Variants in SCNN1B observed in about 807,000 individuals in gnomAD.
SCNN1B encodes the protein sodium channel epithelial 1 subunit beta.
SCNN1B carries 46 observed loss-of-function variants against 65.3 expected under a neutral mutation model. The observed-to-expected ratio is 0.70, with a 90% CI of 0.56 to 0.90. SCNN1B has a LOEUF of 0.90. SCNN1B is among the 40% of genes least tolerant of loss of function. The pLI, the probability that SCNN1B is intolerant of heterozygous loss-of-function variation, is 0.00. For synonymous variants in SCNN1B, 349 were observed against 330.6 expected, an observed-to-expected ratio of 1.06 and a Z score of -0.60; for missense variants, 751 against 830.5, an observed-to-expected ratio of 0.90 and a Z score of 1.18.
At chr16:23,331,511 A>G (rs1200238182) in intron 1 of SCNN1B, among the ~76,000 whole-genome samples, 2 of 151,738 alleles carry the variant, frequency 1.3e-5, no homozygotes, top group East Asian at 3.9e-4. Flanking sequence ...TTTTTTTAGT[A>G]GATCCGCCAT....
At chr16:23,344,386 A>G (rs1962141903) in intron 1 of SCNN1B, among the ~76,000 whole-genome samples, 1 of 152,226 alleles carries the variant, frequency 6.6e-6, no homozygotes, top group South Asian at 2.1e-4. Context: ...AAAAGGGTAG[A>G]CATTCTAGAG....
At position 23,381,154 on chromosome 16, in the gene SCNN1B, G is replaced by A. The variant is rs898744673; in HGVS notation, c.*353G>A. On this transcript the variant is annotated 3_prime_UTR_variant, in exon 13 of 13. Transcript: ENST00000343070. ...CATCCACCCCAGAGAGGAACAGGCG[G>A]GTGGGCCATGTGGTTTTCTCCTTCC... 2.8e-6 allele frequency: 1 copy of A among 352,558 alleles called. No individual in the cohort carries two copies. Among genetic ancestry groups the A allele is most frequent in the Non-Finnish European group, 5.4e-6 (1 of 186,868 alleles). The allele number at this position is 352,558 out of a possible 1,614,324, so 21.8% of individuals were successfully genotyped here.
chr16:23,278,973 T>G (rs1049217897), intron 1 of SCNN1B, among the ~76,000 whole-genome samples: 1 of 151,670 alleles, frequency 6.6e-6, no homozygotes, highest in Non-Finnish European at 1.5e-5. Context: ...AATGGCTAAT[T>G]TTATGTTCTG....
At chr16:23,364,943 T>C (rs1033605979) in intron 4 of SCNN1B, among the ~76,000 whole-genome samples, 6 of 152,064 alleles carry the variant, frequency 3.9e-5, no homozygotes, top group African/African-American at 1.4e-4. Context: ...CTGGCCAACA[T>C]GGTGAAACCC....
intron 4 of SCNN1B, among the ~76,000 whole-genome samples, chr16:23,359,616 C>G (rs140185081): frequency 6.6e-6 from 1 of 152,296 alleles, no homozygotes; most frequent in Non-Finnish European, 1.5e-5. Flanking sequence ...CCCTCTCTCT[C>G]TGACTCCATC....
At chr16:23,312,112 T>C (rs918578332) in intron 1 of SCNN1B, among the ~76,000 whole-genome samples, 3 of 152,160 alleles carry the variant, frequency 2.0e-5, no homozygotes, top group African/African-American at 7.2e-5. Context: ...GGGGAGCCGA[T>C]TCCTGTCCTT....
Position 23,360,920 on chromosome 16 carries a change from G to A in SCNN1B, c.776+5431G>A, listed in dbSNP as rs181990969. Among the ~76,000 whole-genome samples the A allele has an allele frequency of 2.0e-3, 310 of 151,962 alleles. 2 individuals are homozygous for A. Among genetic ancestry groups the A allele is most frequent in the African/African-American group, 6.5e-3 (268 of 41,456 alleles). On this transcript the variant is annotated intron_variant, in intron 4 of 12. Coordinates refer to ENST00000343070, the MANE Select transcript of SCNN1B (RefSeq NM_000336.3). Reference sequence around the variant, plus strand: ...TACCATTCTCCTGCCTCAGCCTCCCGAGTAGCTGGGACTACAGGCAGCCGC... The same window carrying A: ...TACCATTCTCCTGCCTCAGCCTCCCAAGTAGCTGGGACTACAGGCAGCCGC...
At chr16:23,298,160 T>C (rs1420292457), upstream of SCNN1B, among the ~76,000 whole-genome samples, 2 of 152,090 alleles carry the variant, frequency 1.3e-5, no homozygotes, top group Non-Finnish European at 2.9e-5. Context: ...CCCAAACCAG[T>C]CATTAACCCT....
At chr16:23,308,854 C>T (rs1002166708) in intron 1 of SCNN1B, among the ~76,000 whole-genome samples, 1 of 152,124 alleles carries the variant, frequency 6.6e-6, no homozygotes, top group Non-Finnish European at 1.5e-5. Flanking sequence ...GTGGCTGCGT[C>T]GGCCTCCCAA....
chr16:23,286,930 A>T (rs1400984894), intron 2 of SCNN1B, among the ~76,000 whole-genome samples: 1 of 152,118 alleles, frequency 6.6e-6, no homozygotes, highest in Non-Finnish European at 1.5e-5. Flanking sequence ...GTCTCTATTA[A>T]AAGTAAATTT....
chr16:23,375,683 G>A, intron 7 of SCNN1B, 55 bp from the exon 8 acceptor site: 1 of 1,236,964 alleles, frequency 8.1e-7, no homozygotes, highest in Non-Finnish European at 1.2e-6. Context: ...GCTGGAATGG[G>A]GACATCACTG....
chr16:23,312,957 C>A (rs946918767), intron 1 of SCNN1B, among the ~76,000 whole-genome samples: 7 of 152,178 alleles, frequency 4.6e-5, no homozygotes, highest in African/African-American at 1.7e-4. Flanking sequence ...AAGATACTTT[C>A]TTTCCCAATA....
upstream of SCNN1B, among the ~76,000 whole-genome samples, chr16:23,300,364 A>G (rs2141974802): frequency 6.6e-6 from 1 of 152,230 alleles, no homozygotes; most frequent in Admixed American, 6.5e-5. Context: ...AAAGACTGAA[A>G]AAAAAAGCAA....
chr16:23,377,987 CTACTTTATTTTTGTATTTT>C (rs932826112), intron 10 of SCNN1B, among the ~76,000 whole-genome samples: 1 of 152,082 alleles, frequency 6.6e-6, no homozygotes, highest in African/African-American at 2.4e-5. Context: ...CTGCGGGAAA[CTACTTTATTTTTGTATTTT>C]TACTTTATTT....
intron 4 of SCNN1B, among the ~76,000 whole-genome samples, chr16:23,357,907 A>T (rs1389886814): frequency 1.3e-5 from 2 of 152,232 alleles, no homozygotes; most frequent in Non-Finnish European, 2.9e-5. Flanking sequence ...TAATGTCCAC[A>T]AGCACATTCA....
chr16:23,290,810 C>T (rs138889767), intron 2 of SCNN1B, among the ~76,000 whole-genome samples: 266 of 152,232 alleles, frequency 1.7e-3, no homozygotes, highest in African/African-American at 6.0e-3. Context: ...CTTCCCAGCA[C>T]GAACCAGTGA....
intron 1 of SCNN1B, among the ~76,000 whole-genome samples, chr16:23,323,772 C>A (rs1961636184): frequency 6.6e-6 from 1 of 152,096 alleles, no homozygotes; most frequent in Non-Finnish European, 1.5e-5. Context: ...CACCAGTAGC[C>A]CTTGAAAGTT....
chr16:23,285,789 C>T (rs1960842159), intron 2 of SCNN1B, among the ~76,000 whole-genome samples: 1 of 152,178 alleles, frequency 6.6e-6, no homozygotes, highest in African/African-American at 2.4e-5. Context: ...GGCTGGGCAA[C>T]ATGGCGAAAC....
intron 1 of SCNN1B, among the ~76,000 whole-genome samples, chr16:23,329,519 G>A (rs969517332): frequency 1.3e-5 from 2 of 152,216 alleles, no homozygotes; most frequent in Non-Finnish European, 2.9e-5. Flanking sequence ...TGCACCCATA[G>A]TGCTGTGAAC....
Sources: gnomAD v4.1 joint callset for allele counts (sites outside exome capture counted in the v4.1 genomes callset) on GRCh38, gnomAD v4.1.1 for gene constraint, MANE v1.5 for transcripts, NCBI Gene and HGNC (gene_info 2026-07-23, HGNC 2026-07-21) for gene names.